The following BANK1 variants were observed in gnomAD, a reference collection of about 807,000 sequenced individuals.
BANK1 encodes B-cell scaffold protein with ankyrin repeats.
In BANK1, 95 loss-of-function variants were observed where a neutral mutation model predicts 94.5. The ratio of observed to expected loss-of-function variants is 1.00; its 90% CI spans 0.85 to 1.19. The LOEUF (loss-of-function observed/expected upper bound fraction) is 1.19. Ranked by LOEUF, BANK1 falls within the 50% of genes most tolerant of loss-of-function variation. The pLI is 0.00. For synonymous variants in BANK1, 334 were observed against 308.4 expected, an observed-to-expected ratio of 1.08 and a Z score of -0.87; for missense variants, 987 against 932.2, an observed-to-expected ratio of 1.06 and a Z score of -0.77.
chr4:102,007,709 G>A (rs13113094), intron 7 of BANK1, among the ~76,000 whole-genome samples: 9,872 of 152,066 alleles, frequency 0.065, 484 homozygotes, highest in Non-Finnish European at 0.098. Context: ...TTCAACTGCT[G>A]TAAATAAAGA....
chr4:102,066,629 A>G (rs1463102023), intron 13 of BANK1, among the ~76,000 whole-genome samples: 1 of 152,176 alleles, frequency 6.6e-6, no homozygotes, highest in Non-Finnish European at 1.5e-5. Flanking sequence ...AATGTGATAA[A>G]ATAAAGACAT....
intron 7 of BANK1, among the ~76,000 whole-genome samples, chr4:102,017,610 A>T (rs72931988): frequency 0.07 from 10,627 of 152,240 alleles, 964 homozygotes; most frequent in African/African-American, 0.21. Flanking sequence ...ACCATTTTCA[A>T]TTCTGCCTTC....
chr4:101,961,329 C>A (rs566525908), intron 7 of BANK1, among the ~76,000 whole-genome samples: 1 of 152,184 alleles, frequency 6.6e-6, no homozygotes, highest in Non-Finnish European at 1.5e-5. Flanking sequence ...TCCAGACTCT[C>A]ATGTTACTGA....
At chr4:101,950,371 A>C (rs997341168) in intron 7 of BANK1, among the ~76,000 whole-genome samples, 18 of 152,128 alleles carry the variant, frequency 1.2e-4, no homozygotes, top group African/African-American at 4.3e-4. Context: ...TTTGCATATA[A>C]AAGCTCTATG....
chr4:101,973,425 A>G lies in BANK1; in HGVS notation c.1207-48089A>G, dbSNP rs554534487. 2.0e-5 allele frequency among the ~76,000 whole-genome samples: 3 copies of G among 152,246 alleles called. No individual in the cohort carries two copies. The East Asian group carries it at 5.8e-4, about 29-fold the overall frequency. Reference sequence around the variant, plus strand: ...TATATTAAGTAAGTTGCTCAAAGCCATACAGTCAATATGTTGCATAGTTGA... The same window carrying G: ...TATATTAAGTAAGTTGCTCAAAGCCGTACAGTCAATATGTTGCATAGTTGA... On this transcript the variant is annotated intron_variant, in intron 7 of 16. Coordinates refer to ENST00000322953, the MANE Select transcript of BANK1 (RefSeq NM_017935.5).
intron 7 of BANK1, among the ~76,000 whole-genome samples, chr4:101,926,778 C>G (rs1004328116): frequency 4.6e-5 from 7 of 151,664 alleles, no homozygotes; most frequent in Non-Finnish European, 8.9e-5. Context: ...TGGTAACTGT[C>G]TAAAACTATG....
At chr4:101,882,863 T>G (rs1224787757) in intron 5 of BANK1, among the ~76,000 whole-genome samples, 2 of 152,212 alleles carry the variant, frequency 1.3e-5, no homozygotes, top group Non-Finnish European at 2.9e-5. Context: ...TTCACTTTTA[T>G]TTGCATTTCT....
At chr4:102,072,944 TA>T (rs1265072104) in intron 15 of BANK1, among the ~76,000 whole-genome samples, 1 of 152,058 alleles carries the variant, frequency 6.6e-6, no homozygotes, top group East Asian at 1.9e-4. Flanking sequence ...TTTTTCTTCA[TA>T]AAAATAATGT....
Position 101,918,141 on chromosome 4 carries a change from T to C in BANK1, c.1158T>C (p.Ala386=). ...NMEGSDPAHI[A]ERHGHKELKK... Reference sequence around the variant, plus strand: ...AGGGTTCAGACCCCGCACATATTGCTGAAAGGCATGGTCACAAAGAACTCA... The same window carrying C: ...AGGGTTCAGACCCCGCACATATTGCCGAAAGGCATGGTCACAAAGAACTCA... Residue 386 remains alanine, a synonymous_variant, in exon 7 of 17, where the codon GCT becomes GCC. Coordinates refer to ENST00000322953, the MANE Select transcript of BANK1 (RefSeq NM_017935.5). 6.2e-7 allele frequency: 1 copy of C among 1,600,706 alleles called. No individual in the cohort carries two copies. The highest frequency in any genetic ancestry group is 1.7e-4 in the Middle Eastern group (1 of 6,006).
chr4:102,051,026 G>A (rs1728030341), intron 11 of BANK1, among the ~76,000 whole-genome samples: 1 of 152,040 alleles, frequency 6.6e-6, no homozygotes, highest in South Asian at 2.1e-4. Context: ...CCTACTCATG[G>A]GAAAGAGGTA....
At chr4:101,988,260 A>G (rs920545622) in intron 7 of BANK1, among the ~76,000 whole-genome samples, 3 of 152,204 alleles carry the variant, frequency 2.0e-5, no homozygotes, top group Non-Finnish European at 2.9e-5. Flanking sequence ...AGTTTTCACA[A>G]TATATGTTTT....
At chr4:101,964,483 GT>G (rs1211748465) in intron 7 of BANK1, among the ~76,000 whole-genome samples, 1 of 151,926 alleles carries the variant, frequency 6.6e-6, no homozygotes, top group African/African-American at 2.4e-5. Flanking sequence ...GGGAAAAAAA[GT>G]GTTCATTTTA....
intron 5 of BANK1, among the ~76,000 whole-genome samples, chr4:101,875,730 T>G (rs969777583): frequency 6.6e-6 from 1 of 152,130 alleles, no homozygotes; most frequent in African/African-American, 2.4e-5. Context: ...GCCAGAGAAT[T>G]ATTGATTCCA....
intron 10 of BANK1, among the ~76,000 whole-genome samples, chr4:102,037,754 T>C (rs1351831362): frequency 6.6e-6 from 1 of 152,226 alleles, no homozygotes; most frequent in East Asian, 1.9e-4. Context: ...TAATACCTAC[T>C]TCACAGGGTT....
chr4:101,832,541 A>G (rs1290366567), intron 2 of BANK1, among the ~76,000 whole-genome samples: 1 of 152,056 alleles, frequency 6.6e-6, no homozygotes, highest in Non-Finnish European at 1.5e-5. Context: ...CTACCATTTT[A>G]TACTTTCATG....
chr4:101,944,033 T>C (rs916240580), intron 7 of BANK1, among the ~76,000 whole-genome samples: 1 of 149,602 alleles, frequency 6.7e-6, no homozygotes, highest in Non-Finnish European at 1.5e-5. Context: ...TGTGTGTGTG[T>C]GTGTGTGAGA....
At chr4:101,806,417 C>T (rs181928093) in intron 1 of BANK1, among the ~76,000 whole-genome samples, 158 of 151,740 alleles carry the variant, frequency 1.0e-3, no homozygotes, top group African/African-American at 3.5e-3. Context: ...CCATATAAGA[C>T]GACTATTAAT....
At chr4:101,996,420 G>A (rs766733033) in intron 7 of BANK1, among the ~76,000 whole-genome samples, 6 of 152,060 alleles carry the variant, frequency 3.9e-5, no homozygotes, top group Non-Finnish European at 8.8e-5. Flanking sequence ...GCTCTTTTTT[G>A]ATTTCACATG....
chr4:102,024,635 CA>C (rs1440006563), intron 8 of BANK1, among the ~76,000 whole-genome samples: 4 of 151,458 alleles, frequency 2.6e-5, no homozygotes, highest in African/African-American at 9.7e-5. Flanking sequence ...ATGCCTTTTT[CA>C]CCAAAAAAAA....
Sources: allele counts gnomAD v4.1 joint callset (sites outside exome capture counted in the v4.1 genomes callset), GRCh38; gene constraint gnomAD v4.1.1; transcripts MANE v1.5; gene names NCBI Gene and HGNC (gene_info 2026-07-23, HGNC 2026-07-21).